Variants in DNAH10 observed in about 807,000 individuals in gnomAD.
The protein encoded by DNAH10 is dynein axonemal heavy chain 10.
A neutral mutation model predicts 506.6 loss-of-function variants in DNAH10; 348 were observed. The observed-to-expected ratio is 0.69, with a 90% CI of 0.63 to 0.75. The LOEUF is 0.75. Among genes scored for constraint, DNAH10 ranks in the 30% least tolerant of loss-of-function variants. DNAH10 has a pLI of 0.00. For missense variants in DNAH10, 5,179 were observed against 5,787.1 expected (o/e 0.89, Z 3.41); for synonymous variants, 2,059 against 2,198.6 (o/e 0.94, Z 1.78).
Position 123,929,366 on chromosome 12 carries a change from C to G in DNAH10, c.12398C>G (p.Pro4133Arg), listed in dbSNP as rs753751318. 6.2e-5 allele frequency: 100 copies of G among 1,611,762 alleles called. No individual in the cohort carries two copies. Among genetic ancestry groups the G allele is most frequent in the South Asian group, 5.9e-4 (53 of 90,342 alleles). Reference sequence around the variant, plus strand: ...GAAATGCTGGACCAGTGCCCGCACCCTGCCTTCAAGCCGCTGGTCTACGTG... The same window carrying G: ...GAAATGCTGGACCAGTGCCCGCACCGTGCCTTCAAGCCGCTGGTCTACGTG... ...SHEMLDQCPH[P>R]AFKPLVYVLA... The change falls in exon 71 of 79, where the codon CCT becomes CGT. Residue 4133 changes from proline to arginine, a missense_variant. Coordinates refer to ENST00000673944, the MANE Select transcript of DNAH10 (RefSeq NM_001372106.1).
rs1954924655 is a variant in DNAH10 at position 123,926,001 on chromosome 12, A to AT, written c.11922-635dup. On this transcript the variant is annotated intron_variant, in intron 68 of 78. Coordinates refer to ENST00000673944, the MANE Select transcript of DNAH10 (RefSeq NM_001372106.1). This position sits in a 1 kb window ranked among gnomAD's most constrained non-coding sequence, Gnocchi z 4.1. ...CACTTCAGGAAGCTGATGTGGGAGG[A>AT]TCGCTTGAGGCCAGGAGTTCGAGAC... The AT allele has an allele frequency of 6.6e-6, 1 of 152,232 alleles. No individual in the cohort carries two copies. The highest frequency in any genetic ancestry group is 1.5e-5 in the Non-Finnish European group (1 of 68,102). 9.4% of individuals were successfully genotyped at this position (152,232 alleles called of 1,614,324 possible).
intron 3 of DNAH10, among the ~76,000 whole-genome samples, chr12:123,772,272 G>A (rs1423922767): frequency 6.6e-6 from 1 of 152,148 alleles, no homozygotes; most frequent in Non-Finnish European, 1.5e-5. Flanking sequence ...CACCAAACTC[G>A]CATTGTTAGC....
At chr12:123,901,166 C>T (rs184085443) in intron 56 of DNAH10, among the ~76,000 whole-genome samples, 21 of 152,360 alleles carry the variant, frequency 1.4e-4, no homozygotes, top group Non-Finnish European at 2.9e-4. Flanking sequence ...TTCGCCAGCC[C>T]CCTTTGCAGG....
In DNAH10 at chr12:123,791,407, G is replaced by A. The variant is rs1438823933; in HGVS notation, c.1815+1286G>A. On this transcript the variant is annotated intron_variant, in intron 11 of 78. Transcript: ENST00000673944. ...CGTAATTAGGAGCATCCCCATTTAT[G>A]TCTTACACAGTTGTTTTTATAACCT... is the stretch of plus-strand genomic sequence containing the variant. 2.0e-5 allele frequency among the ~76,000 whole-genome samples: 3 copies of A among 152,118 alleles called. No individual in the cohort carries two copies. In the East Asian group the frequency reaches 5.8e-4, roughly 29 times the overall value.
intron 21 of DNAH10, among the ~76,000 whole-genome samples, chr12:123,816,339 G>A (rs554505054): frequency 1.3e-5 from 2 of 152,282 alleles, no homozygotes; most frequent in African/African-American, 2.4e-5. Context: ...GCCACCCTTG[G>A]GGAGGGAAGA....
rs1958814885 is a variant in DNAH10, at chr12:123,808,821, G to A, written c.3012G>A (p.Leu1004=). Reference sequence around the variant, plus strand: ...GGAACTTGCAGTCTTTTAATTCTTTGATCCTTGGAAATGTCCCTCTGTTCC... The same window carrying A: ...GGAACTTGCAGTCTTTTAATTCTTTAATCCTTGGAAATGTCCCTCTGTTCC... ...ILKNLQSFNS[L]ILGNVPLFHT... Residue 1004 remains leucine, a synonymous_variant, in exon 19 of 79, where the codon TTG becomes TTA. Transcript: ENST00000673944. The A allele has an allele frequency of 1.9e-6, 3 of 1,614,018 alleles. No individual in the cohort carries two copies. The highest frequency in any genetic ancestry group is 1.3e-5 in the African/African-American group (1 of 74,978).
intron 2 of DNAH10, among the ~76,000 whole-genome samples, chr12:123,769,983 A>G (rs1028803489): frequency 1.0e-4 from 15 of 146,446 alleles, no homozygotes; most frequent in Admixed American, 9.1e-4. Context: ...GCTCACGCCT[A>G]TAATCCCAGG....
At position 123,866,164 on chromosome 12, in the gene DNAH10, G is replaced by A. The variant is rs1383938558; in HGVS notation, c.7167+91G>A. 32 of 1,105,408 alleles carry A rather than the reference G, an allele frequency of 2.9e-5. No individual in the cohort carries two copies. The Admixed American group carries it at 6.1e-4, about 21-fold the overall frequency. The allele number at this position is 1,105,408 out of a possible 1,614,324, so 68.5% of individuals were successfully genotyped here. A position where few individuals can be genotyped will look rare whatever the true frequency, so the allele number is the denominator to read the frequency against. Reference sequence around the variant, plus strand: ...CAGAGGGATGTTTGTAGTTGAAGGCGATGACTTTGTCCTTGACCTGCCCAT... The same window carrying A: ...CAGAGGGATGTTTGTAGTTGAAGGCAATGACTTTGTCCTTGACCTGCCCAT... On this transcript the variant is annotated intron_variant, in intron 41 of 78. Coordinates refer to ENST00000673944, the MANE Select transcript of DNAH10 (RefSeq NM_001372106.1).
chr12:123,881,996 T>A, intron 51 of DNAH10, 183 bp downstream of exon 51: 1 of 491,578 alleles, frequency 2.0e-6, no homozygotes. Flanking sequence ...ATATTTTAAC[T>A]GAATAGCCAG....
At chr12:123,869,884 G>T (rs79965985) in intron 43 of DNAH10, among the ~76,000 whole-genome samples, 2 of 152,154 alleles carry the variant, frequency 1.3e-5, no homozygotes, top group Admixed American at 1.3e-4. Flanking sequence ...CCCCTGCCCC[G>T]CCTGGGTTGC....
rs376105717 is a variant in DNAH10 at position 123,796,858 on chromosome 12, T to G, written c.2163+26T>G. On this transcript the variant is annotated intron_variant, in intron 13 of 78. Transcript: ENST00000673944. ...GTATGTTGCTCTTGCTAGAATTGGC[T>G]CCTTTTGTATTTGATTTTTTTTTTT... The G allele has an allele frequency of 1.6e-5, 25 of 1,547,722 alleles. No individual in the cohort carries two copies. The East Asian group carries it at 5.1e-4, about 31-fold the overall frequency.
Position 123,833,237 on chromosome 12 carries a change from GACA to G in DNAH10, c.4673_4675del (p.Asn1558del). On this transcript the variant is annotated inframe_deletion, in exon 27 of 79. Transcript: ENST00000673944. Reference sequence around the variant, plus strand: ...TGACGAAATTATTCAGTCTCTTGATGACAACACTTTCAACCTGCAGAGCATCTC... The same window carrying G: ...TGACGAAATTATTCAGTCTCTTGATGACACTTTCAACCTGCAGAGCATCTC... The G allele has an allele frequency of 6.2e-7, 1 of 1,613,880 alleles. No homozygotes were observed. Among genetic ancestry groups the G allele is most frequent in the South Asian group, 1.1e-5 (1 of 91,018 alleles).
rs1566107321 is a variant in DNAH10 at position 123,921,690 on chromosome 12, A to ATT, written c.11507-2073_11507-2072insTT. ...ACTTGTCCATCTGTCTGTAGCTTGC[A>ATT]GTTTTTTTTTTTTTTTTTTTTTTTT... is the stretch of plus-strand genomic sequence containing the variant. On this transcript the variant is annotated intron_variant, in intron 65 of 78. Transcript: ENST00000673944. 4.1e-5 allele frequency among the ~76,000 whole-genome samples: 4 copies of ATT among 98,272 alleles called. 1 individual carries two copies. Among genetic ancestry groups the ATT allele is most frequent in the African/African-American group, 1.2e-4 (3 of 25,098 alleles). 64.5% of individuals were successfully genotyped at this position (98,272 alleles called of 152,430 possible).
Position 123,803,664 on chromosome 12 carries a change from T to C in DNAH10, c.2618T>C (p.Ile873Thr). ...YKRLNWNSLG[I>T]GDYITGCKQA... ...TTCTTTCTTTCTTTCTTCAAAGGTA[T>C]CGGTGACTATATAACTGGTTGCAAA... The change falls in exon 17 of 79, where the codon ATC (isoleucine) becomes ACC (threonine). Residue 873 changes from isoleucine to threonine, a missense_variant. By Grantham distance (89) the Ile-to-Thr change is moderately conservative (BLOSUM62 -1). Around this residue, in one of 3 missense-constraint regions of DNAH10, gnomAD observed 4,844 missense variants for 5,430.5 expected, o/e 0.89. Transcript: ENST00000673944. The C allele has an allele frequency of 6.4e-7, 1 of 1,567,768 alleles. No homozygotes were observed. The highest frequency in any genetic ancestry group is 2.3e-5 in the East Asian group (1 of 43,506).
chr12:123,779,898 C>T lies in DNAH10; in HGVS notation c.622-1182C>T, dbSNP rs139634999. On this transcript the variant is annotated intron_variant, in intron 5 of 78. Transcript: ENST00000673944. ...ACAAAACTAAAAAACAAAAACAAAA[C>T]TCAGCCAACCAACCAACCAACTTAA... 4.5e-3 allele frequency among the ~76,000 whole-genome samples: 678 copies of T among 152,184 alleles called. 5 individuals are homozygous for T. The highest frequency in any genetic ancestry group is 0.015 in the African/African-American group (641 of 41,518).
At chr12:123,840,943 T>C (rs1306315267) in intron 29 of DNAH10, among the ~76,000 whole-genome samples, 1 of 152,232 alleles carries the variant, frequency 6.6e-6, no homozygotes, top group Non-Finnish European at 1.5e-5. Flanking sequence ...AATTGGATAG[T>C]GGGGAATCTG....
intron 11 of DNAH10, among the ~76,000 whole-genome samples, chr12:123,792,451 C>CTTTTTTT (rs78654407): frequency 1.6e-4 from 21 of 133,482 alleles, no homozygotes; most frequent in Non-Finnish European, 2.0e-4. Flanking sequence ...TTCCTTTGTC[C>CTTTTTTT]TTTTTTTTTT....
intron 14 of DNAH10, among the ~76,000 whole-genome samples, chr12:123,799,796 C>T (rs1315915115): frequency 6.6e-6 from 1 of 152,102 alleles, no homozygotes; most frequent in African/African-American, 2.4e-5. Flanking sequence ...GCTCGATAAA[C>T]GAACACCTGC....
rs1384879902 is a variant in DNAH10, at chr12:123,775,862, A to G, written c.621+1598A>G. Among the ~76,000 whole-genome samples, 3 of 152,146 alleles carry G rather than the reference A, an allele frequency of 2.0e-5. No individual in the cohort carries two copies. In the East Asian group the frequency reaches 5.8e-4, roughly 29 times the overall value. On this transcript the variant is annotated intron_variant, in intron 5 of 78. Coordinates refer to ENST00000673944, the MANE Select transcript of DNAH10 (RefSeq NM_001372106.1). ...TGTAGGGAACTGCCCATAATTTATAAAGGAAAGAGGCTAAATTGAGTCACA... is the reference window on the plus strand; with the variant it reads ...TGTAGGGAACTGCCCATAATTTATAGAGGAAAGAGGCTAAATTGAGTCACA...
Sources: allele counts gnomAD v4.1 joint callset (sites outside exome capture counted in the v4.1 genomes callset), GRCh38; gene constraint gnomAD v4.1.1; regional missense constraint gnomAD v4.1.1; non-coding constraint Gnocchi (gnomAD v3.1); transcripts MANE v1.5; gene names NCBI Gene and HGNC (gene_info 2026-07-23, HGNC 2026-07-21).